RBFOX1: variants seen among roughly 807,000 people sequenced by gnomAD.
RBFOX1 encodes the protein RNA binding protein fox-1 homolog 1.
RBFOX1 carries 8 observed loss-of-function variants against 57.7 expected under a neutral mutation model. The ratio of observed to expected loss-of-function variants is 0.14; its 90% CI spans 0.08 to 0.25. The LOEUF (loss-of-function observed/expected upper bound fraction) is 0.25, where lower values mean the gene tolerates loss of function less well. Among genes scored for constraint, RBFOX1 ranks in the 10% least tolerant of loss-of-function variants. The pLI is 1.00. For missense variants in RBFOX1, 611 were observed against 548.5 expected, an observed-to-expected ratio of 1.11 and a Z score of -1.14; for synonymous variants, 326 against 222.4, an observed-to-expected ratio of 1.47 and a Z score of -4.15.
At chr16:7,499,663 T>G (rs2069987963) in intron 4 of RBFOX1, among the ~76,000 whole-genome samples, 1 of 152,264 alleles carries the variant, frequency 6.6e-6, no homozygotes, top group East Asian at 1.9e-4. Context: ...AGAGGATGAA[T>G]GCAGCCAGTG....
chr16:7,626,859 T>C (rs1215969186), intron 10 of RBFOX1, among the ~76,000 whole-genome samples: 1 of 152,202 alleles, frequency 6.6e-6, no homozygotes, highest in Non-Finnish European at 1.5e-5. Context: ...GCATTAATCC[T>C]TCTGAGGATC....
intron 3 of RBFOX1, among the ~76,000 whole-genome samples, chr16:6,846,409 G>C (rs1042420247): frequency 2.6e-5 from 4 of 152,150 alleles, no homozygotes; most frequent in Non-Finnish European, 5.9e-5. Context: ...TTTCCAGTAA[G>C]AACATGGACA....
chr16:7,160,892 A>C (rs144420633), intron 4 of RBFOX1, among the ~76,000 whole-genome samples: 1 of 150,066 alleles, frequency 6.7e-6, no homozygotes, highest in Non-Finnish European at 1.5e-5. Flanking sequence ...AAGCTTTCCA[A>C]TTCAACTCTA....
chr16:6,507,279 C>G (rs1567487402), intron 2 of RBFOX1, among the ~76,000 whole-genome samples: 1 of 151,988 alleles, frequency 6.6e-6, no homozygotes, highest in Non-Finnish European at 1.5e-5. Context: ...ATTTTCATAG[C>G]AGCATGTTTA....
At chr16:6,894,597 C>G (rs997173094) in intron 3 of RBFOX1, among the ~76,000 whole-genome samples, 7 of 152,322 alleles carry the variant, frequency 4.6e-5, no homozygotes, top group South Asian at 2.1e-4. Flanking sequence ...ATTTGGGGTT[C>G]TCAGTGCAAT....
chr16:6,299,537 C>G (rs1304123664), intron 1 of RBFOX1, among the ~76,000 whole-genome samples: 1 of 152,040 alleles, frequency 6.6e-6, no homozygotes, highest in African/African-American at 2.4e-5. Flanking sequence ...TTTCAGAGAC[C>G]TCATTTTACT....
chr16:6,460,119 C>T (rs2153062323), intron 2 of RBFOX1, among the ~76,000 whole-genome samples: 1 of 146,958 alleles, frequency 6.8e-6, no homozygotes, highest in African/African-American at 2.5e-5. Context: ...GCATTGCAGA[C>T]TTGGCAGCTT....
intron 3 of RBFOX1, among the ~76,000 whole-genome samples, chr16:6,694,816 G>A (rs988590976): frequency 6.6e-6 from 1 of 152,082 alleles, no homozygotes; most frequent in African/African-American, 2.4e-5. Flanking sequence ...CACTGTGACG[G>A]AACACAGTGA....
intron 3 of RBFOX1, among the ~76,000 whole-genome samples, chr16:5,667,773 T>C (rs1300101889): frequency 6.6e-6 from 1 of 152,196 alleles, no homozygotes; most frequent in East Asian, 1.9e-4. Flanking sequence ...AATTTCAAAG[T>C]AGGAAGAATA....
intron 5 of RBFOX1, among the ~76,000 whole-genome samples, chr16:7,520,118 C>T (rs538832314): frequency 6.6e-6 from 1 of 152,064 alleles, no homozygotes; most frequent in African/African-American, 2.4e-5. Flanking sequence ...ATCTCCTGAC[C>T]TCGCGATCTG....
chr16:6,396,527 G>A (rs183862115), intron 2 of RBFOX1, among the ~76,000 whole-genome samples: 2 of 152,172 alleles, frequency 1.3e-5, no homozygotes, highest in Non-Finnish European at 2.9e-5. Context: ...GAGGCTCTAG[G>A]GGAGCCCGTG....
intron 2 of RBFOX1, among the ~76,000 whole-genome samples, chr16:6,370,970 G>C (rs1189229432): frequency 1.3e-5 from 2 of 152,188 alleles, no homozygotes; most frequent in South Asian, 2.1e-4. Context: ...GGGTCTTTCA[G>C]CTGTTTCTTT....
intron 4 of RBFOX1, chr16:7,304,510 G>A (rs908576551): frequency 1.0e-6 from 1 of 985,186 alleles, no homozygotes; most frequent in African/African-American, 1.7e-5. Context: ...TGCCCTCGGT[G>A]GCTGCTTTCC....
intron 4 of RBFOX1, among the ~76,000 whole-genome samples, chr16:7,494,042 A>T (rs1292037526): frequency 6.6e-6 from 1 of 152,146 alleles, no homozygotes; most frequent in African/African-American, 2.4e-5. Flanking sequence ...CTTGTGAATG[A>T]TTTCTTCTCC....
At chr16:6,186,832 G>A (rs2097108480) in intron 1 of RBFOX1, among the ~76,000 whole-genome samples, 1 of 152,148 alleles carries the variant, frequency 6.6e-6, no homozygotes, top group Non-Finnish European at 1.5e-5. Flanking sequence ...GGCAGTATTG[G>A]GCATAGCAGA....
intron 4 of RBFOX1, among the ~76,000 whole-genome samples, chr16:7,346,579 C>G (rs1458575088): frequency 6.6e-6 from 1 of 151,774 alleles, no homozygotes; most frequent in East Asian, 2.0e-4. Flanking sequence ...TCCTGGTTTA[C>G]TCTATAGAAG....
intron 3 of RBFOX1, among the ~76,000 whole-genome samples, chr16:6,988,130 A>T (rs1451089056): frequency 6.6e-6 from 1 of 152,160 alleles, no homozygotes; most frequent in Non-Finnish European, 1.5e-5. Context: ...ACATAGGAAT[A>T]CATAAAAAAG....
intron 4 of RBFOX1, among the ~76,000 whole-genome samples, chr16:7,506,455 A>G (rs1402788509): frequency 6.6e-6 from 1 of 152,120 alleles, no homozygotes; most frequent in African/African-American, 2.4e-5. Flanking sequence ...AGGCAAAGCT[A>G]CTTTATTGAA....
intron 3 of RBFOX1, among the ~76,000 whole-genome samples, chr16:6,949,249 A>T (rs59474413): frequency 0.092 from 14,076 of 152,276 alleles, 826 homozygotes; most frequent in East Asian, 0.26. Context: ...ACCTTCATCA[A>T]CAAGAAACAG....
Sources: allele counts gnomAD v4.1 joint callset (sites outside exome capture counted in the v4.1 genomes callset), GRCh38; gene constraint gnomAD v4.1.1; transcripts MANE v1.5; gene names NCBI Gene and HGNC (gene_info 2026-07-23, HGNC 2026-07-21).